Variants in MAGI1 observed in about 807,000 individuals in gnomAD.
The protein encoded by MAGI1 is membrane-associated guanylate kinase, WW and PDZ domain-containing protein 1.
MAGI1 carries 58 observed loss-of-function variants against 139.9 expected under a neutral mutation model. That is an observed-to-expected ratio of 0.41 (90% confidence interval 0.34 to 0.52). The LOEUF is 0.52. Ranked by LOEUF, MAGI1 falls within the 20% of genes least tolerant of loss-of-function variation. The pLI is 0.12. For missense variants in MAGI1, 1,874 were observed against 1,901.6 expected (o/e 0.99, Z 0.27); for synonymous variants, 812 against 737.9 (o/e 1.10, Z -1.63).
At chr3:65,758,190 C>T (rs887602861) in intron 1 of MAGI1, among the ~76,000 whole-genome samples, 1 of 152,072 alleles carries the variant, frequency 6.6e-6, no homozygotes, top group Non-Finnish European at 1.5e-5. Flanking sequence ...GAAAAGACCC[C>T]CTAGAATGGA....
chr3:66,010,682 A>G (rs1386885070), intron 1 of MAGI1, among the ~76,000 whole-genome samples: 1 of 152,190 alleles, frequency 6.6e-6, no homozygotes, highest in Non-Finnish European at 1.5e-5. Flanking sequence ...AAATTTTGAT[A>G]AAATCTAACT....
chr3:65,968,510 T>A (rs1344686405), intron 1 of MAGI1, among the ~76,000 whole-genome samples: 3 of 151,796 alleles, frequency 2.0e-5, no homozygotes, highest in African/African-American at 4.8e-5. Context: ...AAACGTGAAG[T>A]GGAAAAAAAC....
intron 2 of MAGI1, among the ~76,000 whole-genome samples, chr3:65,569,045 A>G (rs950971096): frequency 2.0e-5 from 3 of 152,248 alleles, no homozygotes; most frequent in South Asian, 2.1e-4. Flanking sequence ...AAGCAACCCA[A>G]GTGCCTATAG....
chr3:65,373,302 A>G (rs1242962262), intron 18 of MAGI1, among the ~76,000 whole-genome samples: 1 of 152,204 alleles, frequency 6.6e-6, no homozygotes, highest in African/African-American at 2.4e-5. Flanking sequence ...ATGGCCAGTC[A>G]GTGGAGCAGT....
At chr3:65,958,388 A>G (rs1363445960) in intron 1 of MAGI1, among the ~76,000 whole-genome samples, 2 of 152,206 alleles carry the variant, frequency 1.3e-5, no homozygotes, top group Admixed American at 1.3e-4. Context: ...AGACCTGCTT[A>G]TTGTATCATC....
At chr3:65,434,071 G>A (rs1220354967) in intron 10 of MAGI1, among the ~76,000 whole-genome samples, 2 of 152,106 alleles carry the variant, frequency 1.3e-5, no homozygotes, top group African/African-American at 4.8e-5. Flanking sequence ...CTACACAAAT[G>A]AGGTATCCCA....
rs144809215 is a variant in MAGI1 at position 65,359,414 on chromosome 3, C to T, written c.3634+1785G>A. ...CGAGAACCCAGACAACGAATGCATC[C>T]TTTTTTGTTTTGTTTTGTTTTGTTT... On this transcript the variant is annotated intron_variant, in intron 22 of 22. Coordinates refer to ENST00000402939, the MANE Select transcript of MAGI1 (RefSeq NM_001033057.2). 2.9e-4 allele frequency: 364 copies of T among 1,240,032 alleles called. 1 individual carries two copies. The East Asian group carries it at 8.8e-3, about 30-fold the overall frequency. 76.8% of individuals were successfully genotyped at this position (1,240,032 alleles called of 1,614,324 possible). A position where few individuals can be genotyped will look rare whatever the true frequency, so the allele number is the denominator to read the frequency against.
chr3:65,922,813 T>A (rs174653), intron 1 of MAGI1, among the ~76,000 whole-genome samples: 134,293 of 152,244 alleles, frequency 0.88, 59,598 homozygotes, highest in East Asian at 1. Context: ...CAGTTGGAAG[T>A]TCAGCAGGTT....
At chr3:65,676,420 G>C (rs879497239) in intron 1 of MAGI1, among the ~76,000 whole-genome samples, 8 of 152,194 alleles carry the variant, frequency 5.3e-5, no homozygotes, top group Non-Finnish European at 1.0e-4. Flanking sequence ...AATTGGAGCA[G>C]AGGCTTTTGG....
At chr3:65,843,272 C>T (rs1495450) in intron 1 of MAGI1, among the ~76,000 whole-genome samples, 71,040 of 151,896 alleles carry the variant, frequency 0.47, 17,935 homozygotes, top group East Asian at 0.76. Context: ...AAGAGGTCCA[C>T]GGAATAAGGG....
chr3:65,535,857 T>C (rs972564081), intron 2 of MAGI1, among the ~76,000 whole-genome samples: 18 of 152,348 alleles, frequency 1.2e-4, no homozygotes, highest in African/African-American at 2.9e-4. Context: ...TCACCCTTCA[T>C]TGCTGTTTCT....
intron 1 of MAGI1, among the ~76,000 whole-genome samples, chr3:66,035,401 T>A (rs1328358579): frequency 6.6e-6 from 1 of 152,200 alleles, no homozygotes; most frequent in African/African-American, 2.4e-5. Flanking sequence ...ATATACCAAG[T>A]ATGAGCCTGC....
At chr3:65,902,057 T>TATATATCA (rs1456723667) in intron 1 of MAGI1, among the ~76,000 whole-genome samples, 2 of 152,252 alleles carry the variant, frequency 1.3e-5, no homozygotes, top group African/African-American at 4.8e-5. Flanking sequence ...CATATATTTG[T>TATATATCA]GAGAGTTCTC....
intron 1 of MAGI1, among the ~76,000 whole-genome samples, chr3:65,864,835 C>G (rs1449600857): frequency 6.6e-6 from 1 of 152,044 alleles, no homozygotes; most frequent in Non-Finnish European, 1.5e-5. Flanking sequence ...AATGAAGATT[C>G]TACTGAGGCT....
intron 1 of MAGI1, among the ~76,000 whole-genome samples, chr3:65,791,007 G>A (rs372302719): frequency 9.9e-5 from 15 of 152,222 alleles, no homozygotes; most frequent in East Asian, 5.8e-4. Flanking sequence ...CCCAGGAAGC[G>A]GAGGTTGCAG....
At chr3:65,396,165 A>G (rs1188085624) in intron 13 of MAGI1, among the ~76,000 whole-genome samples, 2 of 152,174 alleles carry the variant, frequency 1.3e-5, no homozygotes, top group Non-Finnish European at 2.9e-5. Flanking sequence ...AAGGATATCC[A>G]TGCACCACAT....
chr3:65,852,883 C>G (rs924430729), intron 1 of MAGI1, among the ~76,000 whole-genome samples: 11 of 151,818 alleles, frequency 7.2e-5, no homozygotes, highest in African/African-American at 2.7e-4. Context: ...CACCTGTAAT[C>G]CCAGCACTTT....
intron 1 of MAGI1, among the ~76,000 whole-genome samples, chr3:65,732,517 T>C (rs768228441): frequency 3.9e-5 from 6 of 152,198 alleles, no homozygotes; most frequent in Non-Finnish European, 7.3e-5. Context: ...TGCTCTCTGC[T>C]ACCCTCTAGA....
intron 1 of MAGI1, among the ~76,000 whole-genome samples, chr3:65,954,063 A>AT (rs1242770447): frequency 1.3e-5 from 2 of 152,022 alleles, no homozygotes; most frequent in Non-Finnish European, 2.9e-5. Flanking sequence ...CCAGAGGAAT[A>AT]TTTTTACCCC....
Sources: allele counts gnomAD v4.1 joint callset (sites outside exome capture counted in the v4.1 genomes callset), GRCh38; gene constraint gnomAD v4.1.1; transcripts MANE v1.5; gene names NCBI Gene and HGNC (gene_info 2026-07-23, HGNC 2026-07-21).